MAPRE1: variants seen among roughly 807,000 people sequenced by gnomAD.
The protein encoded by MAPRE1 is microtubule-associated protein RP/EB family member 1.
Under a neutral mutation model 32.1 loss-of-function variants are expected in MAPRE1, and 5 were observed. The ratio of observed to expected loss-of-function variants is 0.16; its 90% confidence interval spans 0.08 to 0.33. The LOEUF (loss-of-function observed/expected upper bound fraction) is 0.33. MAPRE1 is among the 10% of genes least tolerant of loss of function. The pLI, the probability that MAPRE1 is intolerant of heterozygous loss-of-function variation, is 1.00. For synonymous variants in MAPRE1, 122 were observed against 118.9 expected (o/e 1.03, Z -0.17); for missense variants, 209 against 327.2 (o/e 0.64, Z 2.79).
chr20:32,840,360 G>A (rs1471440443), intron 5 of MAPRE1, among the ~76,000 whole-genome samples: 1 of 152,080 alleles, frequency 6.6e-6, no homozygotes, highest in Non-Finnish European at 1.5e-5. Context: ...ACCTGTCAGA[G>A]GTCTCTGTGG....
intron 2 of MAPRE1, among the ~76,000 whole-genome samples, chr20:32,830,740 T>C (rs916500146): frequency 1.9e-5 from 1 of 52,260 alleles, no homozygotes; most frequent in Non-Finnish European, 3.5e-5. Flanking sequence ...CTCTTCAAAC[T>C]TTTTTTTTTT....
At chr20:32,843,227 A>G (rs1983411424) in intron 5 of MAPRE1, 1 of 152,106 alleles carries the variant, frequency 6.6e-6, no homozygotes, top group South Asian at 2.1e-4. Context: ...CTCTTGGCTC[A>G]TTTACATTAT....
chr20:32,834,855 C>G (rs1380193382), intron 3 of MAPRE1, among the ~76,000 whole-genome samples: 2 of 152,044 alleles, frequency 1.3e-5, no homozygotes, highest in African/African-American at 2.4e-5. Context: ...CCTCATGTAA[C>G]TCAATGGTTA....
At chr20:32,820,754 G>A (rs1016927532) in intron 1 of MAPRE1, among the ~76,000 whole-genome samples, 1 of 152,180 alleles carries the variant, frequency 6.6e-6, no homozygotes, top group African/African-American at 2.4e-5. Context: ...AACAGTGCTA[G>A]TTCAGTCCCT....
rs979718086 is a variant in MAPRE1, at chr20:32,834,538, G to T, written c.267+676G>T. Among the ~76,000 whole-genome samples the T allele has an allele frequency of 1.0e-3, 159 of 152,118 alleles. 2 individuals carry two copies. Among genetic ancestry groups the T allele is most frequent in the Admixed American group, 0.01 (158 of 15,276 alleles). ...GGTTTATCCTTTTAAGCCATTTTTGGGGGGATAACTTTTTTTTTTTATGGC... is the reference window on the plus strand; with the variant it reads ...GGTTTATCCTTTTAAGCCATTTTTGTGGGGATAACTTTTTTTTTTTATGGC... On this transcript the variant is annotated intron_variant, in intron 3 of 6. Transcript: ENST00000375571.
In MAPRE1 at chr20:32,839,771, C is replaced by G. The variant is rs199851862; in HGVS notation, c.512C>G (p.Ala171Gly). 6.2e-7 allele frequency: 1 copy of G among 1,614,150 alleles called. No individual in the cohort carries two copies. The highest frequency in any genetic ancestry group is 1.1e-5 in the South Asian group (1 of 91,084). ...CCCATCTCAACACAGAGAACCGCTG[C>G]GGCTCCTAAGGCTGGCCCTGGTGTG... ...QRPISTQRTAAAPKAGPGVVR... is the reference protein window; with the variant it reads ...QRPISTQRTAGAPKAGPGVVR... The change falls in exon 5 of 7, where the codon GCG becomes GGG. Residue 171 changes from alanine (A) to glycine (G), a missense_variant. Around this residue, in one of 3 missense-constraint regions of MAPRE1, gnomAD observed 106 missense variants for 115.3 expected, o/e 0.92. Coordinates refer to ENST00000375571, the MANE Select transcript of MAPRE1 (RefSeq NM_012325.3).
At chr20:32,846,798 T>A (rs1388231045) in intron 6 of MAPRE1, 28 bp downstream of exon 6, 1 of 1,611,198 alleles carries the variant, frequency 6.2e-7, no homozygotes, top group Non-Finnish European at 8.5e-7. Context: ...GGATATTTTC[T>A]TTCCATTTTA....
Position 32,833,916 on chromosome 20 carries a change from A to G in MAPRE1, c.267+54A>G. ...TAATGTTCCTTAATGATCGTTACTA[A>G]GGAGGTAGATGCTAGCTTATGACTT... On this transcript the variant is annotated intron_variant, in intron 3 of 6. Coordinates refer to ENST00000375571, the MANE Select transcript of MAPRE1 (RefSeq NM_012325.3). 3.4e-6 allele frequency: 5 copies of G among 1,487,786 alleles called. No individual in the cohort carries two copies. In the South Asian group the frequency reaches 5.2e-5, roughly 16 times the overall value. The allele number at this position is 1,487,786 out of a possible 1,614,324, so 92.2% of individuals were successfully genotyped here.
chr20:32,823,838 G>A (rs56120821), intron 1 of MAPRE1, among the ~76,000 whole-genome samples: 6,903 of 152,248 alleles, frequency 0.045, 189 homozygotes, highest in East Asian at 0.077. Context: ...GCAGTGAGCC[G>A]TGATTGTGGC....
chr20:32,827,333 G>C (rs188256178), intron 2 of MAPRE1, among the ~76,000 whole-genome samples: 52 of 152,218 alleles, frequency 3.4e-4, no homozygotes, highest in Middle Eastern at 3.4e-3. Context: ...GCTTGAGCCC[G>C]GGAGGTGGAG....
intron 5 of MAPRE1, among the ~76,000 whole-genome samples, chr20:32,842,387 A>G (rs112061180): frequency 3.3e-5 from 5 of 152,188 alleles, no homozygotes; most frequent in African/African-American, 7.2e-5. Flanking sequence ...GCCCAGCCAT[A>G]GCTAACATTT....
intron 2 of MAPRE1, among the ~76,000 whole-genome samples, chr20:32,829,071 C>A (rs1982947365): frequency 6.6e-6 from 1 of 151,954 alleles, no homozygotes; most frequent in East Asian, 1.9e-4. Flanking sequence ...CAGGTGCGTG[C>A]CACCTGTAAT....
chr20:32,822,006 A>C (rs1484797074), intron 1 of MAPRE1, among the ~76,000 whole-genome samples: 1 of 152,060 alleles, frequency 6.6e-6, no homozygotes, highest in Non-Finnish European at 1.5e-5. Flanking sequence ...GAGCCAATTA[A>C]TTGATTGAGT....
intron 2 of MAPRE1, 58 bp downstream of exon 2, chr20:32,826,106 T>C (rs761745155): frequency 9.9e-5 from 150 of 1,513,966 alleles, no homozygotes; most frequent in Non-Finnish European, 1.3e-4. Flanking sequence ...TTCAGGAATG[T>C]GAAGGCCTGT....
intron 2 of MAPRE1, among the ~76,000 whole-genome samples, chr20:32,833,173 G>A (rs1983087482): frequency 1.3e-5 from 2 of 152,064 alleles, no homozygotes; most frequent in African/African-American, 4.8e-5. Context: ...CTGCACTCCA[G>A]CCTGGGCGAC....
chr20:32,832,614 C>T (rs777160183), intron 2 of MAPRE1, among the ~76,000 whole-genome samples: 13 of 151,738 alleles, frequency 8.6e-5, no homozygotes, highest in Non-Finnish European at 1.8e-4. Context: ...ACCACAAGGG[C>T]ATGCCAACAC....
rs746380174 is a variant in MAPRE1 at position 32,834,626 on chromosome 20, GT to G, written c.267+773del. 3.3e-5 allele frequency among the ~76,000 whole-genome samples: 5 copies of G among 150,600 alleles called. No individual in the cohort carries two copies. In the East Asian group the frequency reaches 9.8e-4, roughly 29 times the overall value. ...GGTTTTTATTTATTTTGAAATCAGG[GT>G]TTTTTTTTAATTTTAGTTTTGTCTC... is the stretch of plus-strand genomic sequence containing the variant. On this transcript the variant is annotated intron_variant, in intron 3 of 6. Coordinates refer to ENST00000375571, the MANE Select transcript of MAPRE1 (RefSeq NM_012325.3).
intron 3 of MAPRE1, among the ~76,000 whole-genome samples, chr20:32,836,408 A>AT (rs1555847127): frequency 6.6e-6 from 1 of 152,036 alleles, no homozygotes; most frequent in Non-Finnish European, 1.5e-5. Context: ...TTTGTTTCTG[A>AT]TTCCTTTTCA....
intron 4 of MAPRE1, among the ~76,000 whole-genome samples, chr20:32,838,680 G>A (rs145771457): frequency 1.3e-5 from 2 of 152,276 alleles, no homozygotes; most frequent in East Asian, 3.9e-4. Context: ...TTTAGAATGG[G>A]AAACTACATA....
Sources: gnomAD v4.1 joint callset for allele counts (sites outside exome capture counted in the v4.1 genomes callset) on GRCh38, gnomAD v4.1.1 for gene constraint, gnomAD v4.1.1 regional missense constraint, MANE v1.5 for transcripts, NCBI Gene and HGNC (gene_info 2026-07-23, HGNC 2026-07-21) for gene names.